MGAT4A: variants seen among roughly 807,000 people sequenced by gnomAD.
MGAT4A encodes the protein alpha-1,3-mannosyl-glycoprotein 4-beta-N-acetylglucosaminyltransferase A, also known as N-acetylglucosaminyltransferase IVa.
MGAT4A carries 33 observed loss-of-function variants against 74.1 expected under a neutral mutation model. The observed-to-expected ratio is 0.45, with a 90% confidence interval of 0.34 to 0.60. The LOEUF (loss-of-function observed/expected upper bound fraction) is 0.60, where lower values mean the gene tolerates loss of function less well. Among genes scored for constraint, MGAT4A ranks in the 20% least tolerant of loss-of-function variants. MGAT4A has a pLI of 0.02. For synonymous variants in MGAT4A, 198 were observed against 210.4 expected, an observed-to-expected ratio of 0.94 and a Z score of 0.51; for missense variants, 479 against 628.3, an observed-to-expected ratio of 0.76 and a Z score of 2.54.
At chr2:98,656,721 T>C (rs1243338008) in intron 6 of MGAT4A, among the ~76,000 whole-genome samples, 1 of 151,458 alleles carries the variant, frequency 6.6e-6, no homozygotes, top group African/African-American at 2.4e-5. Context: ...TAAAGTAGCA[T>C]AGAAATCCTA....
chr2:98,726,107 T>A, intron 2 of MGAT4A, 132 bp downstream of exon 2: 1 of 587,056 alleles, frequency 1.7e-6, no homozygotes, highest in Non-Finnish European at 3.0e-6. Flanking sequence ...CATTTTTATA[T>A]CAGAAAGAAA....
At chr2:98,712,041 C>A (rs998802877) in intron 2 of MGAT4A, among the ~76,000 whole-genome samples, 1 of 152,148 alleles carries the variant, frequency 6.6e-6, no homozygotes, top group African/African-American at 2.4e-5. Flanking sequence ...CATCCCTGCT[C>A]CCAGCTCTAA....
rs139088571 is a variant in MGAT4A, at chr2:98,673,132, C to T, written c.403+1903G>A. ...GGTGGTGCGCCGACAGTTTTCTGTT[C>T]TGGGCATTGAGAATCCCAGCCGCTC... is the stretch of plus-strand genomic sequence containing the variant. On this transcript the variant is annotated intron_variant, in intron 4 of 15. Transcript: ENST00000393487. Among the ~76,000 whole-genome samples, 907 of 152,198 alleles carry T rather than the reference C, an allele frequency of 6.0e-3. 6 individuals carry two copies. The highest frequency in any genetic ancestry group is 0.01 in the Middle Eastern group (3 of 294).
At chr2:98,713,476 C>A (rs186522112) in intron 2 of MGAT4A, among the ~76,000 whole-genome samples, 5 of 151,064 alleles carry the variant, frequency 3.3e-5, no homozygotes, top group African/African-American at 4.9e-5. Context: ...CAAACAAACC[C>A]GTAGGCCAGG....
At chr2:98,686,249 C>T (rs1000515644) in intron 2 of MGAT4A, among the ~76,000 whole-genome samples, 2 of 152,156 alleles carry the variant, frequency 1.3e-5, no homozygotes, top group Admixed American at 6.5e-5. Context: ...CAGGATCATA[C>T]ACTTTATTTA....
chr2:98,664,230 A>G (rs1043376352), intron 4 of MGAT4A, among the ~76,000 whole-genome samples: 1 of 135,636 alleles, frequency 7.4e-6, no homozygotes, highest in Admixed American at 7.5e-5. Flanking sequence ...AAAAAAAAAA[A>G]AGAGAAAACT....
At chr2:98,662,878 C>T (rs1701771461) in intron 5 of MGAT4A, among the ~76,000 whole-genome samples, 168 bp downstream of exon 5, 1 of 152,178 alleles carries the variant, frequency 6.6e-6, no homozygotes, top group Non-Finnish European at 1.5e-5. Flanking sequence ...AATTGCAGGA[C>T]AGAAGTGAGT....
chr2:98,647,805 C>A (rs988383825), intron 8 of MGAT4A, among the ~76,000 whole-genome samples: 1 of 152,242 alleles, frequency 6.6e-6, no homozygotes, highest in African/African-American at 2.4e-5. Flanking sequence ...TCTCCCTTTC[C>A]CCTGAGGGGT....
chr2:98,680,194 C>T (rs147862683), intron 2 of MGAT4A, among the ~76,000 whole-genome samples: 1 of 152,016 alleles, frequency 6.6e-6, no homozygotes. Flanking sequence ...CAGGCGCGCG[C>T]CACCACACCC....
rs190690742 is a variant in MGAT4A at position 98,648,068 on chromosome 2, A to G, written c.775-2526T>C. 1.2e-4 allele frequency among the ~76,000 whole-genome samples: 18 copies of G among 152,366 alleles called. 1 individual carries two copies. In the East Asian group the frequency reaches 3.5e-3, roughly 29 times the overall value. On this transcript the variant is annotated intron_variant, in intron 8 of 15. Transcript: ENST00000393487. ...TTAACTGAGAACTTTTTAGGCTAAT[A>G]TGTTTTTCCCACTAATACTCTGTAG...
At chr2:98,729,271 T>C (rs951917331) in intron 1 of MGAT4A, among the ~76,000 whole-genome samples, 2 of 152,214 alleles carry the variant, frequency 1.3e-5, no homozygotes, top group East Asian at 1.9e-4. Flanking sequence ...AAAATATGCG[T>C]GTTTTACTCA....
chr2:98,676,638 A>C (rs1701979428), intron 3 of MGAT4A, among the ~76,000 whole-genome samples: 1 of 152,220 alleles, frequency 6.6e-6, no homozygotes. Context: ...ACCCAGAAAA[A>C]CCCATTTGAA....
intron 1 of MGAT4A, among the ~76,000 whole-genome samples, chr2:98,728,142 A>G (rs1382717185): frequency 1.3e-5 from 2 of 152,256 alleles, no homozygotes; most frequent in East Asian, 3.8e-4. Flanking sequence ...CTAAGGAGTA[A>G]GTTGCAAAAT....
chr2:98,726,709 T>C (rs987718185), intron 1 of MGAT4A, 142 bp from the exon 2 acceptor site: 10 of 200,308 alleles, frequency 5.0e-5, no homozygotes, highest in Non-Finnish European at 1.0e-4. Context: ...AAACTACTCA[T>C]TTAACATACT....
At chr2:98,626,737 ATTCC>A (rs1440457486) in intron 14 of MGAT4A, among the ~76,000 whole-genome samples, 1 of 152,212 alleles carries the variant, frequency 6.6e-6, no homozygotes, top group Non-Finnish European at 1.5e-5. Flanking sequence ...GAAGAACATA[ATTCC>A]TTTCGGGAGT....
chr2:98,675,261 A>T (rs1166776758), intron 3 of MGAT4A, 86 bp from the exon 4 acceptor site: 1 of 949,362 alleles, frequency 1.1e-6, no homozygotes, highest in Non-Finnish European at 1.6e-6. Flanking sequence ...AATTAATAAG[A>T]ACTAGAACTA....
At chr2:98,649,911 A>G (rs1209541490) in intron 8 of MGAT4A, among the ~76,000 whole-genome samples, 2 of 152,228 alleles carry the variant, frequency 1.3e-5, no homozygotes, top group African/African-American at 2.4e-5. Flanking sequence ...CCAAAGGAAC[A>G]AGTTAAAACT....
chr2:98,637,359 G>T (rs1208627987), intron 12 of MGAT4A, among the ~76,000 whole-genome samples: 2 of 151,160 alleles, frequency 1.3e-5, no homozygotes, highest in East Asian at 3.9e-4. Context: ...AATAATAAAA[G>T]AAACAAAGAC....
At chr2:98,719,672 G>A (rs1575283981) in intron 2 of MGAT4A, among the ~76,000 whole-genome samples, 2 of 152,306 alleles carry the variant, frequency 1.3e-5, no homozygotes, top group South Asian at 4.1e-4. Context: ...TTAAGATGGA[G>A]TCTAGCTCTG....
Sources: gnomAD v4.1 joint callset for allele counts (sites outside exome capture counted in the v4.1 genomes callset) on GRCh38, gnomAD v4.1.1 for gene constraint, MANE v1.5 for transcripts, NCBI Gene and HGNC (gene_info 2026-07-23, HGNC 2026-07-21) for gene names.